Variants in CDC45 observed in about 807,000 individuals in gnomAD.
CDC45 encodes cell division cycle 45.
A neutral mutation model predicts 77.8 loss-of-function variants in CDC45; 54 were observed. The ratio of observed to expected loss-of-function variants is 0.69; its 90% CI spans 0.56 to 0.87. The LOEUF is 0.87. CDC45 is among the 40% of genes least tolerant of loss of function. The pLI is 0.00. For missense variants in CDC45, 649 were observed against 721.6 expected, an observed-to-expected ratio of 0.90 and a Z score of 1.15; for synonymous variants, 260 against 272.1, an observed-to-expected ratio of 0.96 and a Z score of 0.44.
chr22:19,485,403 G>A (rs1349029534), intron 5 of CDC45, among the ~76,000 whole-genome samples: 1 of 152,238 alleles, frequency 6.6e-6, no homozygotes, highest in East Asian at 1.9e-4. Context: ...ATTAGGGAAA[G>A]CTTTCAGGTA....
chr22:19,489,686 C>CATAA (rs2090125831), intron 5 of CDC45, among the ~76,000 whole-genome samples: 2 of 152,116 alleles, frequency 1.3e-5, no homozygotes, highest in South Asian at 4.1e-4. Flanking sequence ...GCGTGCTAGC[C>CATAA]ATAAATACGT....
intron 10 of CDC45, among the ~76,000 whole-genome samples, chr22:19,506,588 A>G (rs1933188709): frequency 6.6e-6 from 1 of 152,168 alleles, no homozygotes; most frequent in Non-Finnish European, 1.5e-5. Flanking sequence ...GGGACAGTCC[A>G]CACTCACAAC....
intron 5 of CDC45, among the ~76,000 whole-genome samples, chr22:19,491,499 T>C (rs959067309): frequency 2.0e-5 from 3 of 152,176 alleles, no homozygotes; most frequent in African/African-American, 7.2e-5. Context: ...ATACTTATTT[T>C]CTTTCAGCAT....
At chr22:19,481,541 G>A (rs2089983157) in intron 3 of CDC45, among the ~76,000 whole-genome samples, 1 of 151,786 alleles carries the variant, frequency 6.6e-6, no homozygotes, top group African/African-American at 2.4e-5. Context: ...ACCACACCTG[G>A]CTAATGTTTT....
Position 19,480,013 on chromosome 22 carries a change from G to C in CDC45, c.45G>C (p.Gln15His). The C allele has an allele frequency of 6.2e-7, 1 of 1,614,022 alleles. No homozygotes were observed. The highest frequency in any genetic ancestry group is 8.5e-7 in the Non-Finnish European group (1 of 1,180,014). The change falls in exon 1 of 19, where the codon CAG becomes CAC. Residue 15 changes from glutamine (Q) to histidine (H), a missense_variant. Gln to His is a conservative substitution (Grantham distance 24). Transcript: ENST00000263201. ...DFRKEFYEVVQSQRVLLFVAS... is the reference protein window; with the variant it reads ...DFRKEFYEVVHSQRVLLFVAS... ...GCAAAGAGTTCTACGAGGTGGTCCAGAGCCAGGTGACGCCCAGTCCGGGAC... is the reference window on the plus strand; with the variant it reads ...GCAAAGAGTTCTACGAGGTGGTCCACAGCCAGGTGACGCCCAGTCCGGGAC...
At chr22:19,492,245 C>A (rs1055990522) in intron 5 of CDC45, among the ~76,000 whole-genome samples, 1 of 151,974 alleles carries the variant, frequency 6.6e-6, no homozygotes, top group Non-Finnish European at 1.5e-5. Context: ...CCCAGAGGTT[C>A]TAGTTTTTTT....
chr22:19,505,459 A>G lies in CDC45; in HGVS notation c.802A>G (p.Thr268Ala), dbSNP rs1466067668. The G allele has an allele frequency of 6.2e-7, 1 of 1,613,956 alleles. No individual in the cohort carries two copies. The highest frequency in any genetic ancestry group is 1.1e-5 in the South Asian group (1 of 91,078). ...DEENTLSVDCTRISFEYDLRL... is the reference protein window; with the variant it reads ...DEENTLSVDCARISFEYDLRL... ...GGAGAACACACTCTCCGTGGACTGCACACGGATCTCCTTTGAGTATGAGTA... is the reference window on the plus strand; with the variant it reads ...GGAGAACACACTCTCCGTGGACTGCGCACGGATCTCCTTTGAGTATGAGTA... Residue 268 changes from threonine to alanine, a missense_variant, in exon 10 of 19, where the codon ACA (threonine) becomes GCA (alanine). Coordinates refer to ENST00000263201, the MANE Select transcript of CDC45 (RefSeq NM_003504.5).
Position 19,504,461 on chromosome 22 carries a change from G to A in CDC45, c.705-901G>A, listed in dbSNP as rs140927081. 2.6e-3 allele frequency among the ~76,000 whole-genome samples: 400 copies of A among 152,236 alleles called. 1 individual carries two copies. Among genetic ancestry groups the A allele is most frequent in the Admixed American group, 5.2e-3 (79 of 15,294 alleles). On this transcript the variant is annotated intron_variant, in intron 9 of 18. Transcript: ENST00000263201. ...ATTACCAGTATGCAGCAACACGCCC[G>A]GCTAATTTTGTATTTGTAATAGAGA...
rs747492770 is a variant in CDC45 at position 19,505,443 on chromosome 22, A to G, written c.786A>G (p.Thr262=). The part of the protein sequence containing the change: ...HNHRNEDEEN[T]LSVDCTRISF... ...ACCGGAACGAGGATGAGGAGAACAC[A>G]CTCTCCGTGGACTGCACACGGATCT... The change falls in exon 10 of 19, where the codon ACA becomes ACG. Residue 262 remains threonine, a synonymous_variant. Transcript: ENST00000263201. 2.4e-5 allele frequency: 38 copies of G among 1,613,654 alleles called. No individual in the cohort carries two copies. The highest frequency in any genetic ancestry group is 2.6e-5 in the Non-Finnish European group (31 of 1,179,868).
chr22:19,487,804 CAGAA>C (rs1218225856), intron 5 of CDC45, among the ~76,000 whole-genome samples: 1 of 145,722 alleles, frequency 6.9e-6, no homozygotes, highest in East Asian at 2.1e-4. Flanking sequence ...CCCAGCTACT[CAGAA>C]GGCTGAGGCA....
intron 9 of CDC45, among the ~76,000 whole-genome samples, chr22:19,503,116 A>G (rs1002111): frequency 0.43 from 65,051 of 151,994 alleles, 15,676 homozygotes; most frequent in South Asian, 0.6. Flanking sequence ...TCAGTGAGCT[A>G]TGATTGTACC....
intron 9 of CDC45, among the ~76,000 whole-genome samples, chr22:19,502,531 T>G (rs1011028657): frequency 1.3e-5 from 2 of 152,204 alleles, no homozygotes; most frequent in African/African-American, 4.8e-5. Context: ...AAGGTACAGC[T>G]TTTACTGCAG....
intron 5 of CDC45, among the ~76,000 whole-genome samples, chr22:19,485,122 A>AT (rs914975397): frequency 9.9e-5 from 15 of 151,108 alleles, no homozygotes; most frequent in African/African-American, 3.2e-4. Context: ...TGTTCTCTGA[A>AT]TTTTTTTTTA....
intron 12 of CDC45, 146 bp downstream of exon 12, chr22:19,508,010 T>TTGTTATCAGATA (rs1933298812): frequency 1.6e-6 from 1 of 613,354 alleles, no homozygotes; most frequent in Non-Finnish European, 2.9e-6. Context: ...CCCGAGAATG[T>TTGTTATCAGATA]ACAAATGAGT....
rs762388446 is a variant in CDC45, at chr22:19,499,086, C to A, written c.654-15C>A. On this transcript the variant is annotated splice_polypyrimidine_tract_variant and intron_variant, in intron 8 of 18. Transcript: ENST00000263201. Reference sequence around the variant, plus strand: ...GTGGGCTATAGGCCGGCTCCACTGCCTTCTCTTCTTCCAGGTGGGCCATCG... The same window carrying A: ...GTGGGCTATAGGCCGGCTCCACTGCATTCTCTTCTTCCAGGTGGGCCATCG... The A allele has an allele frequency of 9.3e-6, 15 of 1,613,968 alleles. No homozygotes were observed. The African/African-American group carries it at 2.0e-4, about 22-fold the overall frequency.
chr22:19,491,702 T>C (rs1242789608), intron 5 of CDC45, among the ~76,000 whole-genome samples: 1 of 152,158 alleles, frequency 6.6e-6, no homozygotes, highest in Non-Finnish European at 1.5e-5. Context: ...GTGTCTATCC[T>C]ATTTGTTTCT....
chr22:19,508,230 G>A (rs1159120628), intron 12 of CDC45, among the ~76,000 whole-genome samples: 1 of 152,158 alleles, frequency 6.6e-6, no homozygotes, highest in African/African-American at 2.4e-5. Flanking sequence ...AAGTCCATGG[G>A]CACTCCTGGA....
rs945389583 is a variant in CDC45 at position 19,483,879 on chromosome 22, A to G, written c.360A>G (p.Lys120=). The G allele has an allele frequency of 1.2e-6, 2 of 1,612,228 alleles. No individual in the cohort carries two copies. Among genetic ancestry groups the G allele is most frequent in the African/African-American group, 2.7e-5 (2 of 74,830 alleles). ...GAACTTAGATCAAATTACTCATTAA[A>G]CAAGATGATGACCTTGAAGTTCCCG... ...YNDTQIKLLI[K]QDDDLEVPAY... is the part of the protein sequence containing the mutation. The change falls in exon 5 of 19, where the codon AAA becomes AAG. Residue 120 remains lysine, a synonymous_variant. Transcript: ENST00000263201.
At chr22:19,502,032 A>G (rs1046367433) in intron 9 of CDC45, among the ~76,000 whole-genome samples, 1 of 152,146 alleles carries the variant, frequency 6.6e-6, no homozygotes, top group African/African-American at 2.4e-5. Flanking sequence ...AATCATTTTT[A>G]TAGCCTGTGA....
Sources: gnomAD v4.1 joint callset for allele counts (sites outside exome capture counted in the v4.1 genomes callset) on GRCh38, gnomAD v4.1.1 for gene constraint, MANE v1.5 for transcripts, NCBI Gene and HGNC (gene_info 2026-07-23, HGNC 2026-07-21) for gene names.